The following TRAPPC10 variants were observed in gnomAD, a reference collection of about 807,000 sequenced individuals.
TRAPPC10 encodes the protein TRAPP 130 kDa subunit.
In TRAPPC10, 23 loss-of-function variants were observed where a neutral mutation model predicts 125.5. The ratio of observed to expected loss-of-function variants is 0.18; its 90% CI spans 0.13 to 0.26. The LOEUF (loss-of-function observed/expected upper bound fraction) is 0.26, where lower values mean the gene tolerates loss of function less well. TRAPPC10 is among the 10% of genes least tolerant of loss of function. The pLI is 1.00. For synonymous variants in TRAPPC10, 509 were observed against 518.0 expected (o/e 0.98, Z 0.24); for missense variants, 1,123 against 1,308.4 (o/e 0.86, Z 2.19).
chr21:44,027,235 T>C (rs1335389977), intron 1 of TRAPPC10, among the ~76,000 whole-genome samples: 2 of 152,188 alleles, frequency 1.3e-5, no homozygotes, highest in Admixed American at 6.5e-5. Flanking sequence ...CTTGAAAATA[T>C]ATCATGTCAG....
At chr21:44,066,737 T>C (rs556642470) in intron 7 of TRAPPC10, among the ~76,000 whole-genome samples, 2 of 152,356 alleles carry the variant, frequency 1.3e-5, no homozygotes, top group East Asian at 1.9e-4. Context: ...CAAAATTCTT[T>C]GCAATTGCAG....
At chr21:44,073,837 G>A (rs2037064805) in intron 7 of TRAPPC10, among the ~76,000 whole-genome samples, 1 of 152,094 alleles carries the variant, frequency 6.6e-6, no homozygotes, top group South Asian at 2.1e-4. Context: ...TTCAGTTTCT[G>A]CTGTTGAACG....
At position 44,021,355 on chromosome 21, in the gene TRAPPC10, A is replaced by G. The variant is rs149921772; in HGVS notation, c.67+8795A>G. The stretch of plus-strand genomic sequence containing the variant: ...AGAGTTTACATTCTGTCAAGAAGAG[A>G]TAGACAATAGACAAATAATGTTAGG... On this transcript the variant is annotated intron_variant, in intron 1 of 22. Transcript: ENST00000291574. Among the ~76,000 whole-genome samples, 499 of 152,338 alleles carry G rather than the reference A, an allele frequency of 3.3e-3. 3 individuals are homozygous for G. Among genetic ancestry groups the G allele is most frequent in the Middle Eastern group, 0.02 (6 of 294 alleles).
At chr21:44,042,147 A>T (rs191694127) in intron 3 of TRAPPC10, among the ~76,000 whole-genome samples, 71 of 152,116 alleles carry the variant, frequency 4.7e-4, no homozygotes, top group Non-Finnish European at 8.4e-4. Context: ...TCTGTTTTCT[A>T]CTCAAGTTTC....
At position 44,080,097 on chromosome 21, in the gene TRAPPC10, G is replaced by T; in HGVS notation, c.1693G>T (p.Asp565Tyr). 6 of 1,614,114 alleles carry T rather than the reference G, an allele frequency of 3.7e-6. No homozygotes were observed. Among genetic ancestry groups the T allele is most frequent in the Non-Finnish European group, 4.2e-6 (5 of 1,180,008 alleles). The change falls in exon 13 of 23, where the codon GAC (aspartate) becomes TAC (tyrosine). Residue 565 changes from aspartate to tyrosine, a missense_variant. Asp to Tyr is a radical substitution (Grantham distance 160, BLOSUM62 -3). Coordinates refer to ENST00000291574, the MANE Select transcript of TRAPPC10 (RefSeq NM_003274.5). ...CAAGCACTTCTGCCAGGAGATACTT[G>T]ACTTTGCCAGCCAGCCGTCAGACAG... ...ERKHFCQEIL[D>Y]FASQPSDSPG...
chr21:44,069,622 C>T (rs759973124), intron 7 of TRAPPC10, among the ~76,000 whole-genome samples: 4 of 152,234 alleles, frequency 2.6e-5, no homozygotes, highest in Admixed American at 6.5e-5. Context: ...CAACACATGC[C>T]CCGTGACCCA....
intron 7 of TRAPPC10, among the ~76,000 whole-genome samples, chr21:44,070,575 C>T (rs148223310): frequency 1.2e-4 from 19 of 152,298 alleles, no homozygotes; most frequent in Admixed American, 8.5e-4. Flanking sequence ...AGAGGCATGG[C>T]CTTCGTGCTG....
intron 7 of TRAPPC10, among the ~76,000 whole-genome samples, chr21:44,071,794 C>CT (rs1203327990): frequency 6.6e-6 from 1 of 152,230 alleles, no homozygotes; most frequent in African/African-American, 2.4e-5. Flanking sequence ...CCGGTGAGAA[C>CT]TCGCAGCGGA....
rs533802172 is a variant in TRAPPC10, at chr21:44,055,185, A to T, written c.483-513A>T. Among the ~76,000 whole-genome samples the T allele has an allele frequency of 2.8e-4, 43 of 152,232 alleles. 1 individual carries two copies. The highest frequency in any genetic ancestry group is 9.9e-4 in the African/African-American group (41 of 41,526). On this transcript the variant is annotated intron_variant, in intron 4 of 22. Coordinates refer to ENST00000291574, the MANE Select transcript of TRAPPC10 (RefSeq NM_003274.5). ...CCCCTTTCCAGTTGATTCTATAGCA[A>T]ACTCTCCTTTGAATTTCTGTAGAAC...
intron 8 of TRAPPC10, among the ~76,000 whole-genome samples, 163 bp downstream of exon 8, chr21:44,074,633 G>C (rs1165700270): frequency 6.6e-6 from 1 of 152,240 alleles, no homozygotes; most frequent in Non-Finnish European, 1.5e-5. Flanking sequence ...AGAAGTCATA[G>C]TTCCCTACCA....
chr21:44,072,322 C>G (rs2036933767), intron 7 of TRAPPC10, among the ~76,000 whole-genome samples: 1 of 152,208 alleles, frequency 6.6e-6, no homozygotes, highest in Admixed American at 6.5e-5. Flanking sequence ...CCTGGCTGCT[C>G]TTGCTTCTGC....
chr21:44,034,638 C>T (rs1261216335), intron 2 of TRAPPC10, among the ~76,000 whole-genome samples: 1 of 152,158 alleles, frequency 6.6e-6, no homozygotes, highest in Admixed American at 6.5e-5. Context: ...AGGGAAGATA[C>T]GTCCACCTGA....
chr21:44,032,136 C>G lies in TRAPPC10; in HGVS notation c.113C>G (p.Ser38Cys), dbSNP rs2033625708. 1.2e-6 allele frequency: 2 copies of G among 1,613,910 alleles called. No homozygotes were observed. Among genetic ancestry groups the G allele is most frequent in the Admixed American group, 1.7e-5 (1 of 59,972 alleles). ...TTTACCTCTGTTTATCCAACGCTCT[C>G]TCAGCAGCTTCCAAGAGAACCAATG... ...NLFTSVYPTLSQQLPREPMEW... is the reference protein window; with the variant it reads ...NLFTSVYPTLCQQLPREPMEW... The change falls in exon 2 of 23, where the codon TCT becomes TGT. Residue 38 changes from serine to cysteine, a missense_variant. Transcript: ENST00000291574.
intron 3 of TRAPPC10, 91 bp downstream of exon 3, chr21:44,038,018 G>T (rs1055271967): frequency 2.6e-6 from 4 of 1,514,330 alleles, no homozygotes; most frequent in Non-Finnish European, 3.6e-6. Flanking sequence ...GGAAGAGGAC[G>T]CGTGGTGGGG....
intron 2 of TRAPPC10, among the ~76,000 whole-genome samples, chr21:44,034,544 T>C (rs1030694004): frequency 6.6e-6 from 1 of 152,126 alleles, no homozygotes; most frequent in Non-Finnish European, 1.5e-5. Context: ...AGAGAACTTA[T>C]CTCAGGAAAA....
At chr21:44,041,406 C>T (rs373432351) in intron 3 of TRAPPC10, among the ~76,000 whole-genome samples, 11 of 150,678 alleles carry the variant, frequency 7.3e-5, no homozygotes, top group East Asian at 1.9e-4. Flanking sequence ...GATGGAGTTT[C>T]GCTCTTCTTG....
intron 1 of TRAPPC10, among the ~76,000 whole-genome samples, chr21:44,020,552 T>C (rs1054011013): frequency 7.9e-5 from 12 of 152,110 alleles, no homozygotes; most frequent in Non-Finnish European, 1.3e-4. Flanking sequence ...GAGGATCGCT[T>C]GAGCCCAGGA....
At chr21:44,091,522 C>T (rs1426889940) in intron 18 of TRAPPC10, among the ~76,000 whole-genome samples, 2 of 152,306 alleles carry the variant, frequency 1.3e-5, no homozygotes, top group East Asian at 3.9e-4. Context: ...TCACTGCAAC[C>T]TCCACCTCCC....
intron 4 of TRAPPC10, among the ~76,000 whole-genome samples, chr21:44,055,007 G>A (rs767449211): frequency 1.3e-5 from 2 of 152,204 alleles, no homozygotes; most frequent in Non-Finnish European, 2.9e-5. Context: ...TGGTCCTTTT[G>A]TGCTGTGCTG....
Sources: allele counts gnomAD v4.1 joint callset (sites outside exome capture counted in the v4.1 genomes callset), GRCh38; gene constraint gnomAD v4.1.1; transcripts MANE v1.5; gene names NCBI Gene and HGNC (gene_info 2026-07-23, HGNC 2026-07-21).